The following NIBAN2 variants were observed in gnomAD, a reference collection of about 807,000 sequenced individuals.
The protein encoded by NIBAN2 is niban apoptosis regulator 2.
NIBAN2 carries 36 observed loss-of-function variants against 81.8 expected under a neutral mutation model. The ratio of observed to expected loss-of-function variants is 0.44; its 90% CI spans 0.34 to 0.58. The LOEUF (loss-of-function observed/expected upper bound fraction) is 0.58. NIBAN2 is among the 20% of genes least tolerant of loss of function. The probability of loss-of-function intolerance (pLI) is 0.02; values close to 1 mark genes in which losing one functional copy is unlikely to be tolerated. For synonymous variants in NIBAN2, 445 were observed against 441.6 expected, an observed-to-expected ratio of 1.01 and a Z score of -0.10; for missense variants, 897 against 1,014.1, an observed-to-expected ratio of 0.88 and a Z score of 1.57.
intron 2 of NIBAN2, among the ~76,000 whole-genome samples, chr9:127,528,517 C>T (rs1011885447): frequency 1.3e-5 from 2 of 152,136 alleles, no homozygotes; most frequent in African/African-American, 4.8e-5. Flanking sequence ...CCTGCAGTCC[C>T]GTCTCTCCAC....
At chr9:127,575,386 C>T (rs1261370509) in intron 1 of NIBAN2, among the ~76,000 whole-genome samples, 1 of 151,954 alleles carries the variant, frequency 6.6e-6, no homozygotes, top group African/African-American at 2.4e-5. Context: ...TGCCACCACG[C>T]CTGGCTAATT....
intron 1 of NIBAN2, among the ~76,000 whole-genome samples, chr9:127,560,261 T>G (rs2132233309): frequency 6.6e-6 from 1 of 152,170 alleles, no homozygotes; most frequent in African/African-American, 2.4e-5. Context: ...GTCACGTACA[T>G]CAGCTCGCCC....
At position 127,565,946 on chromosome 9, in the gene NIBAN2, TCACACACA is replaced by T. The variant is rs10682812; in HGVS notation, c.55+2866_55+2873del. On this transcript the variant is annotated intron_variant, in intron 1 of 13. Transcript: ENST00000373312. ...GAGACCCTGTCTCTCTCTCTCTCTC[TCACACACA>T]CACACACACACACACACACACACAC... 3.0e-4 allele frequency among the ~76,000 whole-genome samples: 39 copies of T among 130,616 alleles called. 1 individual carries two copies. Among genetic ancestry groups the T allele is most frequent in the Admixed American group, 1.4e-3 (18 of 12,816 alleles). 85.7% of individuals were successfully genotyped at this position (130,616 alleles called of 152,430 possible). A position where few individuals can be genotyped will look rare whatever the true frequency, so the allele number is the denominator to read the frequency against.
intron 2 of NIBAN2, among the ~76,000 whole-genome samples, chr9:127,529,828 G>A (rs894290131): frequency 6.6e-6 from 1 of 152,028 alleles, no homozygotes. Context: ...ACTTTGCATT[G>A]TGATGATCGG....
chr9:127,545,653 A>G lies in NIBAN2; in HGVS notation c.56-13875T>C, dbSNP rs112830834. Among the ~76,000 whole-genome samples, 4 of 152,124 alleles carry G rather than the reference A, an allele frequency of 2.6e-5. No homozygotes were observed. The highest frequency in any genetic ancestry group is 1.9e-4 in the East Asian group (1 of 5,188). On this transcript the variant is annotated intron_variant, in intron 1 of 13. Transcript: ENST00000373312. This position sits in a 1 kb window ranked among gnomAD's most constrained non-coding sequence, Gnocchi z 4.7. ...AATATTTAACCAGGGCTGGGCCACA[A>G]CAGGTCTGGTGGGGAAGGGTGAGCT...
chr9:127,565,528 C>T (rs1401306185), intron 1 of NIBAN2, among the ~76,000 whole-genome samples: 1 of 151,952 alleles, frequency 6.6e-6, no homozygotes, highest in African/African-American at 2.4e-5. Flanking sequence ...CGTGGTGGCT[C>T]ACGCCTATAA....
intron 2 of NIBAN2, among the ~76,000 whole-genome samples, chr9:127,529,496 G>A (rs931645238): frequency 1.1e-4 from 17 of 152,104 alleles, no homozygotes; most frequent in South Asian, 4.1e-4. Context: ...AAAAATTAGC[G>A]GGGTGTGGTG....
chr9:127,518,824 T>C (rs1322541977), intron 5 of NIBAN2, among the ~76,000 whole-genome samples: 1 of 152,234 alleles, frequency 6.6e-6, no homozygotes, highest in African/African-American at 2.4e-5. Flanking sequence ...GCCCGGGGTC[T>C]GTCCTGTTAC....
chr9:127,557,433 A>G (rs1484977354), intron 1 of NIBAN2, among the ~76,000 whole-genome samples: 1 of 147,480 alleles, frequency 6.8e-6, no homozygotes, highest in African/African-American at 2.5e-5. Flanking sequence ...TCCCATCTAC[A>G]GAGCTGGACT....
In NIBAN2 at chr9:127,510,280, T is replaced by C. The variant is rs1836710157; in HGVS notation, c.1027A>G (p.Ile343Val). 6.2e-7 allele frequency: 1 copy of C among 1,613,946 alleles called. No homozygotes were observed. Among genetic ancestry groups the C allele is most frequent in the Non-Finnish European group, 8.5e-7 (1 of 1,179,976 alleles). ...ATCAGGGCCTCCAGGATGGATGGGA[T>C]GTAGGGCTGGACATGGTTCCGCACG... Reference protein sequence around the residue: ...VCVRNHVQPYIPSILEALMVP... With the variant: ...VCVRNHVQPYVPSILEALMVP... Residue 343 changes from isoleucine to valine, a missense_variant, in exon 9 of 14, where the codon ATC (isoleucine) becomes GTC (valine). Around this residue, in one of 3 missense-constraint regions of NIBAN2, gnomAD observed 619 missense variants for 691.0 expected, o/e 0.90. Coordinates refer to ENST00000373312, the MANE Select transcript of NIBAN2 (RefSeq NM_022833.4).
Position 127,563,517 on chromosome 9 carries a change from G to A in NIBAN2, c.55+5303C>T, listed in dbSNP as rs1313178635. ...CATCTACAGCCACTTCCCAAATGTT[G>A]AGAGGTAGATTTTTTTTTTTTTTGA... On this transcript the variant is annotated intron_variant, in intron 1 of 13. Coordinates refer to ENST00000373312, the MANE Select transcript of NIBAN2 (RefSeq NM_022833.4). This position sits in a 1 kb window ranked among gnomAD's most constrained non-coding sequence, Gnocchi z 4.1. 1.3e-5 allele frequency among the ~76,000 whole-genome samples: 2 copies of A among 148,962 alleles called. No individual in the cohort carries two copies. The highest frequency in any genetic ancestry group is 2.0e-4 in the East Asian group (1 of 5,006).
chr9:127,511,288 C>T (rs767191383), intron 8 of NIBAN2, among the ~76,000 whole-genome samples: 1 of 151,862 alleles, frequency 6.6e-6, no homozygotes, highest in African/African-American at 2.4e-5. Flanking sequence ...TCTCAGGTGA[C>T]CCGCCCACCT....
rs932165843 is a variant in NIBAN2, at chr9:127,523,774, G to A, written c.494C>T (p.Pro165Leu). Residue 165 changes from proline (P) to leucine (L), a missense_variant, in exon 5 of 14, where the codon CCT (proline) becomes CTT (leucine). Physicochemically the swap from Pro to Leu is moderately conservative, Grantham distance 98 (BLOSUM62 -3). Transcript: ENST00000373312. ...GCAGAAGTAGTAGTGACGCGCATAA[G>A]GATGCCAGAGGATGAGCGGGAACTG... ...PTQFPLILWHPYARHYYFCMM... is the reference protein window; with the variant it reads ...PTQFPLILWHLYARHYYFCMM... 2.5e-6 allele frequency: 4 copies of A among 1,614,114 alleles called. No homozygotes were observed. The Admixed American group carries it at 6.7e-5, about 27-fold the overall frequency.
chr9:127,543,315 C>G (rs1837415210), intron 1 of NIBAN2, among the ~76,000 whole-genome samples: 1 of 152,202 alleles, frequency 6.6e-6, no homozygotes. Context: ...CGGACAACAG[C>G]TGCAGGAAGT....
intron 1 of NIBAN2, among the ~76,000 whole-genome samples, chr9:127,542,385 C>T (rs918020650): frequency 6.6e-6 from 1 of 152,208 alleles, no homozygotes; most frequent in Non-Finnish European, 1.5e-5. Flanking sequence ...GTGGCTCCCA[C>T]AGGCAGCACC....
upstream of NIBAN2, among the ~76,000 whole-genome samples, chr9:127,572,546 A>G (rs886328380): frequency 2.0e-5 from 3 of 152,104 alleles, no homozygotes; most frequent in African/African-American, 7.2e-5. Flanking sequence ...TCTAGGAAGG[A>G]GGAGGAGATG....
intron 1 of NIBAN2, among the ~76,000 whole-genome samples, chr9:127,535,387 C>A (rs764017056): frequency 2.0e-5 from 3 of 152,312 alleles, no homozygotes; most frequent in South Asian, 2.1e-4. Context: ...CAAAAGAGGG[C>A]AAGACTGAGC....
At chr9:127,539,456 A>G (rs1588172053) in intron 1 of NIBAN2, among the ~76,000 whole-genome samples, 1 of 152,212 alleles carries the variant, frequency 6.6e-6, no homozygotes, top group African/African-American at 2.4e-5. Flanking sequence ...CCGAGGCAAC[A>G]GCTGGCAGGT....
At chr9:127,532,490 G>C (rs1837202511) in intron 1 of NIBAN2, among the ~76,000 whole-genome samples, 1 of 152,162 alleles carries the variant, frequency 6.6e-6, no homozygotes, top group Non-Finnish European at 1.5e-5. Flanking sequence ...CAGCTACTCA[G>C]GAGACTGAGG....
Sources: allele counts gnomAD v4.1 joint callset (sites outside exome capture counted in the v4.1 genomes callset), GRCh38; gene constraint gnomAD v4.1.1; regional missense constraint gnomAD v4.1.1; non-coding constraint Gnocchi (gnomAD v3.1); transcripts MANE v1.5; gene names NCBI Gene and HGNC (gene_info 2026-07-23, HGNC 2026-07-21).